PHACTR2: variants seen among roughly 807,000 people sequenced by gnomAD.
PHACTR2 encodes chromosome 6 open reading frame 56.
In PHACTR2, 30 loss-of-function variants were observed where a neutral mutation model predicts 76.0. The ratio of observed to expected loss-of-function variants is 0.39; its 90% CI spans 0.30 to 0.54. The LOEUF (loss-of-function observed/expected upper bound fraction) is 0.54. PHACTR2 is among the 20% of genes least tolerant of loss of function. The pLI, the probability that PHACTR2 is intolerant of heterozygous loss-of-function variation, is 0.61. For synonymous variants in PHACTR2, 292 were observed against 292.5 expected (o/e 1.00, Z 0.02); for missense variants, 696 against 781.1 (o/e 0.89, Z 1.30).
chr6:143,753,911 A>C lies in PHACTR2; in HGVS notation c.453A>C (p.Lys151Asn), dbSNP rs776035397. The change falls in exon 4 of 13, where the codon AAA becomes AAC. Residue 151 changes from lysine (K) to asparagine (N), a missense_variant and splice_region_variant. By Grantham distance (94) the Lys-to-Asn change is moderately conservative. Around this residue, in one of 2 missense-constraint regions of PHACTR2, gnomAD observed 460 missense variants for 450.9 expected, o/e 1.02. Transcript: ENST00000440869. This position sits in a 1 kb window ranked among gnomAD's most constrained non-coding sequence, Gnocchi z 4.6. Reference sequence around the variant, plus strand: ...TGGAGGAACAGGCAGAAGATAAGAAAGGTAAAATAAAGACAAACCCATATT... The same window carrying C: ...TGGAGGAACAGGCAGAAGATAAGAACGGTAAAATAAAGACAAACCCATATT... ...PPLEEQAEDK[K>N]ENTENHSETP... 5 of 1,596,096 alleles carry C rather than the reference A, an allele frequency of 3.1e-6. No individual in the cohort carries two copies. The African/African-American group carries it at 5.4e-5, about 17-fold the overall frequency.
At chr6:143,667,941 G>A (rs80087713) in intron 1 of PHACTR2, among the ~76,000 whole-genome samples, 1 of 152,172 alleles carries the variant, frequency 6.6e-6, no homozygotes, top group Non-Finnish European at 1.5e-5. Flanking sequence ...GTGAGAGAGG[G>A]CATCCTTGTC....
rs146288014 is a variant in PHACTR2, at chr6:143,616,416, C to A, written c.13+8094C>A. On this transcript the variant is annotated intron_variant, in intron 1 of 11. Coordinates refer to the PHACTR2 transcript ENST00000305766. This position sits in a 1 kb window ranked among gnomAD's most constrained non-coding sequence, Gnocchi z 4.9. ...TTAACCTGTATCTTCTGTTATTTTC[C>A]ATGTATCCTCTACATCTACCAGTCT... 4.6e-3 allele frequency among the ~76,000 whole-genome samples: 695 copies of A among 152,116 alleles called. 5 individuals are homozygous for A. Among genetic ancestry groups the A allele is most frequent in the Middle Eastern group, 0.024 (7 of 294 alleles).
chr6:143,798,215 A>G (rs1775870883), intron 11 of PHACTR2, among the ~76,000 whole-genome samples: 1 of 152,148 alleles, frequency 6.6e-6, no homozygotes, highest in Admixed American at 6.5e-5. Context: ...TTATTGATGT[A>G]TAGGAATGCT....
rs919562581 is a variant in PHACTR2, at chr6:143,784,886, G to A, written c.1707+1606G>A. Among the ~76,000 whole-genome samples, 7 of 152,202 alleles carry A rather than the reference G, an allele frequency of 4.6e-5. No individual in the cohort carries two copies. Among genetic ancestry groups the A allele is most frequent in the African/African-American group, 1.2e-4 (5 of 41,522 alleles). Reference sequence around the variant, plus strand: ...TCACAAGAATAGAATGGGAAAGACCGAGCCCCATGATTCAATTACCTCTTC... The same window carrying A: ...TCACAAGAATAGAATGGGAAAGACCAAGCCCCATGATTCAATTACCTCTTC... On this transcript the variant is annotated intron_variant, in intron 10 of 12. Transcript: ENST00000440869. The surrounding 1 kb of genome is among the most constrained non-coding windows in gnomAD (Gnocchi z 4.5).
rs75086934 is a variant in PHACTR2, at chr6:143,765,042, T to C, written c.695-219T>C. 0.015 allele frequency among the ~76,000 whole-genome samples: 2,226 copies of C among 152,222 alleles called. 39 individuals are homozygous for C. The highest frequency in any genetic ancestry group is 0.05 in the African/African-American group (2,093 of 41,538). Reference sequence around the variant, plus strand: ...AGAAGACAGAGGACTCTTGTTCCTCTGAGTTTTGCCGTAAATATCACTTGC... The same window carrying C: ...AGAAGACAGAGGACTCTTGTTCCTCCGAGTTTTGCCGTAAATATCACTTGC... On this transcript the variant is annotated intron_variant, in intron 5 of 12. Coordinates refer to ENST00000440869, the MANE Select transcript of PHACTR2 (RefSeq NM_001100164.2). This position sits in a 1 kb window ranked among gnomAD's most constrained non-coding sequence, Gnocchi z 4.1.
chr6:143,793,788 G>A lies in PHACTR2; in HGVS notation c.1845+4878G>A, dbSNP rs369388167. On this transcript the variant is annotated intron_variant, in intron 11 of 12. Coordinates refer to ENST00000440869, the MANE Select transcript of PHACTR2 (RefSeq NM_001100164.2). The surrounding 1 kb of genome is among the most constrained non-coding windows in gnomAD (Gnocchi z 4.4). ...AAAAATTAGCCGGGTGTGGTGGCGCGTACCTGTAGTCCCAGCTACTCGGGA... is the reference window on the plus strand; with the variant it reads ...AAAAATTAGCCGGGTGTGGTGGCGCATACCTGTAGTCCCAGCTACTCGGGA... Among the ~76,000 whole-genome samples, 34 of 152,048 alleles carry A rather than the reference G, an allele frequency of 2.2e-4. No homozygotes were observed. Among genetic ancestry groups the A allele is most frequent in the East Asian group, 1.9e-4 (1 of 5,168 alleles).
At chr6:143,637,196 C>T (rs1373861374) in intron 1 of PHACTR2, among the ~76,000 whole-genome samples, 1 of 152,072 alleles carries the variant, frequency 6.6e-6, no homozygotes, top group Non-Finnish European at 1.5e-5. Flanking sequence ...CTTGCTGTGC[C>T]TTGCTCCCTT....
rs1213001958 is a variant in PHACTR2 at position 143,659,872 on chromosome 6, G to A, written c.13+51550G>A. On this transcript the variant is annotated intron_variant, in intron 1 of 11. Coordinates refer to the PHACTR2 transcript ENST00000305766. This position sits in a 1 kb window ranked among gnomAD's most constrained non-coding sequence, Gnocchi z 5.0. Reference sequence around the variant, plus strand: ...GTTCCTGATTAGCTTTAGCACTGGTGTATTTCAACCAAATCAATTTTTAAA... The same window carrying A: ...GTTCCTGATTAGCTTTAGCACTGGTATATTTCAACCAAATCAATTTTTAAA... Among the ~76,000 whole-genome samples, 1 of 152,166 alleles carries A rather than the reference G, an allele frequency of 6.6e-6. No homozygotes were observed. Among genetic ancestry groups the A allele is most frequent in the African/African-American group, 2.4e-5 (1 of 41,428 alleles).
rs1371365045 is a variant in PHACTR2 at position 143,658,208 on chromosome 6, G to A, written c.13+49886G>A. ...GTGTATGTTTAACATTACAGAAACT[G>A]CCAGACTAACCTGAGCTTCAACAAC... On this transcript the variant is annotated intron_variant, in intron 1 of 11. Transcript: ENST00000305766. The surrounding 1 kb of genome is among the most constrained non-coding windows in gnomAD (Gnocchi z 4.1). Among the ~76,000 whole-genome samples, 2 of 152,158 alleles carry A rather than the reference G, an allele frequency of 1.3e-5. No homozygotes were observed. Among genetic ancestry groups the A allele is most frequent in the African/African-American group, 4.8e-5 (2 of 41,448 alleles).
rs1261603674 is a variant in PHACTR2 at position 143,647,241 on chromosome 6, T to C, written c.13+38919T>C. ...CTTTCTGTGATGTAGATAATATTAG[T>C]CCTATTTTGCAGATGAGGAAACCAA... On this transcript the variant is annotated intron_variant, in intron 1 of 11. Transcript: ENST00000305766. This position sits in a 1 kb window ranked among gnomAD's most constrained non-coding sequence, Gnocchi z 4.2. Among the ~76,000 whole-genome samples the C allele has an allele frequency of 6.6e-6, 1 of 152,212 alleles. No individual in the cohort carries two copies. Among genetic ancestry groups the C allele is most frequent in the African/African-American group, 2.4e-5 (1 of 41,454 alleles).
In PHACTR2 at chr6:143,616,449, G is replaced by A. The variant is rs570936695; in HGVS notation, c.13+8127G>A. On this transcript the variant is annotated intron_variant, in intron 1 of 11. Coordinates refer to the PHACTR2 transcript ENST00000305766. This position sits in a 1 kb window ranked among gnomAD's most constrained non-coding sequence, Gnocchi z 4.9. The stretch of plus-strand genomic sequence containing the variant: ...CTCTACATCTACCAGTCTGTTCCAC[G>A]TCTGTTCTGTATCCACAAAAGCATT... 8.0e-4 allele frequency among the ~76,000 whole-genome samples: 121 copies of A among 152,086 alleles called. No individual in the cohort carries two copies. The highest frequency in any genetic ancestry group is 1.2e-3 in the Admixed American group (18 of 15,274).
chr6:143,774,482 G>A lies in PHACTR2; in HGVS notation c.1589+267G>A, dbSNP rs187286185. On this transcript the variant is annotated intron_variant, in intron 8 of 12. Transcript: ENST00000440869. The surrounding 1 kb of genome is among the most constrained non-coding windows in gnomAD (Gnocchi z 5.4). ...GTTGGCAAACATTTCAGGCTTTGCT[G>A]GCCAGACAGTCTCTGTTGCAGCTAC... Among the ~76,000 whole-genome samples the A allele has an allele frequency of 1.3e-5, 2 of 152,248 alleles. No homozygotes were observed. The highest frequency in any genetic ancestry group is 4.8e-5 in the African/African-American group (2 of 41,544).
In PHACTR2 at chr6:143,760,553, C is replaced by T. The variant is rs1245485453; in HGVS notation, c.607C>T (p.Pro203Ser). ...CAGCCACAAAGGTGATGAAGTGCCT[C>T]CCATTAAAAAAAATACCAAGGCTCC... ...GASHKGDEVP[P>S]IKKNTKAPGK... The change falls in exon 5 of 13, where the codon CCC becomes TCC. Residue 203 changes from proline to serine, a missense_variant. By Grantham distance (74) the Pro-to-Ser change is moderately conservative. Coordinates refer to ENST00000440869, the MANE Select transcript of PHACTR2 (RefSeq NM_001100164.2). The surrounding 1 kb of genome is among the most constrained non-coding windows in gnomAD (Gnocchi z 6.4). The T allele has an allele frequency of 1.2e-6, 2 of 1,613,734 alleles. No individual in the cohort carries two copies. Among genetic ancestry groups the T allele is most frequent in the East Asian group, 2.2e-5 (1 of 44,876 alleles).
upstream of PHACTR2, among the ~76,000 whole-genome samples, chr6:143,606,402 C>T (rs1393266244): frequency 6.6e-6 from 1 of 152,070 alleles, no homozygotes; most frequent in Admixed American, 6.5e-5. Flanking sequence ...AAGTGTGTTT[C>T]GAACGACCAA....
At position 143,807,192 on chromosome 6, in the gene PHACTR2, G is replaced by A; in HGVS notation, c.1922+59G>A. 2.0e-6 allele frequency: 2 copies of A among 985,478 alleles called. No homozygotes were observed. The highest frequency in any genetic ancestry group is 1.6e-6 in the Non-Finnish European group (1 of 637,942). 61.0% of individuals were successfully genotyped at this position (985,478 alleles called of 1,614,324 possible). Reference sequence around the variant, plus strand: ...TGCTTAAGATGTGATCCCATGTTGAGTTGGTTAAAAAAAGAAATTGCTTAC... The same window carrying A: ...TGCTTAAGATGTGATCCCATGTTGAATTGGTTAAAAAAAGAAATTGCTTAC... On this transcript the variant is annotated intron_variant, in intron 12 of 12. Coordinates refer to ENST00000440869, the MANE Select transcript of PHACTR2 (RefSeq NM_001100164.2). This position sits in a 1 kb window ranked among gnomAD's most constrained non-coding sequence, Gnocchi z 5.5.
At position 143,787,147 on chromosome 6, in the gene PHACTR2, G is replaced by A. The variant is rs189511773; in HGVS notation, c.1708-1626G>A. On this transcript the variant is annotated intron_variant, in intron 10 of 12. Coordinates refer to ENST00000440869, the MANE Select transcript of PHACTR2 (RefSeq NM_001100164.2). This position sits in a 1 kb window ranked among gnomAD's most constrained non-coding sequence, Gnocchi z 4.6. ...CAGCCCTTACCCTCTGCACCCACTT[G>A]CCTCCACCATACATAGCTCCATGCC... Among the ~76,000 whole-genome samples, 23 of 152,290 alleles carry A rather than the reference G, an allele frequency of 1.5e-4. No individual in the cohort carries two copies. The highest frequency in any genetic ancestry group is 4.3e-4 in the African/African-American group (18 of 41,568).
intron 1 of PHACTR2, among the ~76,000 whole-genome samples, chr6:143,559,741 G>A (rs575008756): frequency 2.5e-4 from 3 of 12,178 alleles, no homozygotes; most frequent in African/African-American, 1.0e-3. Flanking sequence ...ACAGAGTTTT[G>A]CTCTTGTTTT....
In PHACTR2 at chr6:143,536,894, C is replaced by G. The variant is rs1191558377; in HGVS notation, c.-97C>G. 6.6e-6 allele frequency: 1 copy of G among 152,656 alleles called. No individual in the cohort carries two copies. The highest frequency in any genetic ancestry group is 1.9e-4 in the East Asian group (1 of 5,174). 9.5% of individuals were successfully genotyped at this position (152,656 alleles called of 1,614,324 possible). A position where few individuals can be genotyped will look rare whatever the true frequency, so the allele number is the denominator to read the frequency against. On this transcript the variant is annotated 5_prime_UTR_variant, in exon 1 of 12. Coordinates refer to the PHACTR2 transcript ENST00000367584. This position sits in a 1 kb window ranked among gnomAD's most constrained non-coding sequence, Gnocchi z 5.4. ...CACCTCCCCGCCCTTCTCGCTGCCT[C>G]CGGGTCGCGGCGCGCGGGGCAGAGC...
chr6:143,622,019 G>A (rs1776163185), intron 1 of PHACTR2, among the ~76,000 whole-genome samples: 1 of 152,018 alleles, frequency 6.6e-6, no homozygotes, highest in South Asian at 2.1e-4. Flanking sequence ...TTATCCTTTT[G>A]TTCAAAATGA....
Sources: gnomAD v4.1 joint callset for allele counts (sites outside exome capture counted in the v4.1 genomes callset) on GRCh38, gnomAD v4.1.1 for gene constraint, gnomAD v4.1.1 regional missense constraint, Gnocchi (gnomAD v3.1) non-coding constraint, MANE v1.5 for transcripts, NCBI Gene and HGNC (gene_info 2026-07-23, HGNC 2026-07-21) for gene names.